The following PCDH11X variants were observed in gnomAD, a reference collection of about 807,000 sequenced individuals.
PCDH11X encodes the protein protocadherin-11 X-linked.
Under a neutral mutation model 53.3 loss-of-function variants are expected in PCDH11X, and 18 were observed. The observed-to-expected ratio is 0.34, with a 90% CI of 0.23 to 0.50. The LOEUF (loss-of-function observed/expected upper bound fraction) is 0.50, where lower values mean the gene tolerates loss of function less well. PCDH11X is among the 20% of genes least tolerant of loss of function. The probability of loss-of-function intolerance (pLI) is 0.98; values close to 1 mark genes in which losing one functional copy is unlikely to be tolerated. For missense variants in PCDH11X, 570 were observed against 1,032.4 expected (o/e 0.55, Z 6.14); for synonymous variants, 279 against 393.3 (o/e 0.71, Z 3.44).
intron 6 of PCDH11X, among the ~76,000 whole-genome samples, chrX:91,913,108 G>A (rs953289499): frequency 9.0e-6 from 1 of 111,349 alleles, no homozygotes; most frequent in Non-Finnish European, 1.9e-5. Flanking sequence ...GGGCCCTCAG[G>A]AAAGGTGGCC....
chrX:92,312,814 C>CT (rs774266804), intron 8 of PCDH11X, among the ~76,000 whole-genome samples: 112 of 111,209 alleles, frequency 1.0e-3, no homozygotes, highest in African/African-American at 3.6e-3. Flanking sequence ...AGCACGAGTT[C>CT]TTTTTTTAAA....
intron 6 of PCDH11X, among the ~76,000 whole-genome samples, chrX:92,050,395 C>T (rs6615311): frequency 0.17 from 17,904 of 107,028 alleles, 1,375 homozygotes; most frequent in East Asian, 0.41. Context: ...TCATGAAATT[C>T]ATAATTTACT....
intron 10 of PCDH11X, among the ~76,000 whole-genome samples, chrX:92,568,185 G>A (rs1046137919): frequency 9.1e-6 from 1 of 109,957 alleles, no homozygotes; most frequent in African/African-American, 3.3e-5. Flanking sequence ...ACTTTGGGAG[G>A]CCAAGGCGGG....
At chrX:92,005,590 T>G (rs2062585659) in intron 6 of PCDH11X, among the ~76,000 whole-genome samples, 4 of 112,320 alleles carry the variant, frequency 3.6e-5, no homozygotes, top group African/African-American at 1.3e-4. Flanking sequence ...TTATTATTTT[T>G]GATGGGTTCA....
At chrX:91,924,499 A>G (rs1272572732) in intron 6 of PCDH11X, among the ~76,000 whole-genome samples, 1 of 112,003 alleles carries the variant, frequency 8.9e-6, no homozygotes, top group African/African-American at 3.2e-5. Flanking sequence ...ACTAGTTTGT[A>G]GTAATTTGTC....
intron 7 of PCDH11X, among the ~76,000 whole-genome samples, chrX:92,221,325 A>G (rs1343657172): frequency 1.9e-5 from 2 of 104,765 alleles, no homozygotes; most frequent in Non-Finnish European, 3.9e-5. Flanking sequence ...ACACACACAC[A>G]CATATATACG....
At chrX:92,267,633 G>A (rs1199146679) in intron 8 of PCDH11X, among the ~76,000 whole-genome samples, 1 of 112,336 alleles carries the variant, frequency 8.9e-6, no homozygotes, top group Non-Finnish European at 1.9e-5. Flanking sequence ...GACGTGTTTG[G>A]AGGTTCCTGC....
chrX:92,570,341 T>G (rs1922055336), intron 10 of PCDH11X, among the ~76,000 whole-genome samples: 1 of 112,121 alleles, frequency 8.9e-6, no homozygotes, highest in African/African-American at 3.2e-5. Flanking sequence ...TTTTATGAAA[T>G]ACTATTATAG....
chrX:92,281,533 C>T (rs1230418616), intron 8 of PCDH11X, among the ~76,000 whole-genome samples: 1 of 112,036 alleles, frequency 8.9e-6, no homozygotes, highest in Admixed American at 9.5e-5. Context: ...CAGTATGAAA[C>T]AAGAACAGAT....
chrX:92,217,951 C>T (rs986295113), intron 7 of PCDH11X, among the ~76,000 whole-genome samples: 1 of 108,596 alleles, frequency 9.2e-6, no homozygotes, highest in Non-Finnish European at 1.9e-5. Context: ...TCCTGAATGA[C>T]TACTGGGTAC....
chrX:92,071,444 C>T (rs1602821922), intron 6 of PCDH11X, among the ~76,000 whole-genome samples: 1 of 111,707 alleles, frequency 9.0e-6, no homozygotes, highest in Non-Finnish European at 1.9e-5. Context: ...CTCTCTTTCT[C>T]CAGGATTGGT....
At chrX:92,273,358 TGGGGTA>T (rs781073131) in intron 8 of PCDH11X, among the ~76,000 whole-genome samples, 2 of 110,512 alleles carry the variant, frequency 1.8e-5, no homozygotes, top group Non-Finnish European at 3.8e-5. Context: ...TCAGTTAAGG[TGGGGTA>T]GGAACAAATC....
intron 8 of PCDH11X, among the ~76,000 whole-genome samples, chrX:92,323,771 T>C (rs1603272040): frequency 1.8e-5 from 2 of 110,666 alleles, no homozygotes; most frequent in South Asian, 7.6e-4. Flanking sequence ...ACATTTGCAA[T>C]CATCAGACTC....
At chrX:92,095,456 A>C (rs917134147) in intron 6 of PCDH11X, among the ~76,000 whole-genome samples, 7 of 111,365 alleles carry the variant, frequency 6.3e-5, no homozygotes, top group African/African-American at 2.3e-4. Flanking sequence ...ATAATATTTC[A>C]TTCTGGGGCT....
intron 10 of PCDH11X, among the ~76,000 whole-genome samples, chrX:92,518,106 A>C (rs1325888182): frequency 9.2e-6 from 1 of 108,882 alleles, no homozygotes; most frequent in South Asian, 4.0e-4. Flanking sequence ...TGTAAAAACT[A>C]TCACATAATT....
At chrX:92,472,178 G>A (rs181561134) in intron 10 of PCDH11X, among the ~76,000 whole-genome samples, 321 of 109,628 alleles carry the variant, frequency 2.9e-3, no homozygotes, top group African/African-American at 9.8e-3. Context: ...ACTTTTGCCA[G>A]CGCCTGTATC....
intron 6 of PCDH11X, among the ~76,000 whole-genome samples, chrX:92,197,904 A>T (rs2148317459): frequency 8.9e-6 from 1 of 112,232 alleles, no homozygotes; most frequent in South Asian, 3.7e-4. Context: ...CATTTGAGAA[A>T]GAAATATAAT....
At chrX:92,445,164 T>A (rs2072609240) in intron 9 of PCDH11X, among the ~76,000 whole-genome samples, 1 of 103,950 alleles carries the variant, frequency 9.6e-6, no homozygotes, top group Non-Finnish European at 2.0e-5. Context: ...TCTGGTAGAA[T>A]TGAACTGTGA....
intron 4 of PCDH11X, among the ~76,000 whole-genome samples, chrX:91,821,470 T>C (rs1037724537): frequency 9.0e-6 from 1 of 111,379 alleles, no homozygotes; most frequent in Non-Finnish European, 1.9e-5. Flanking sequence ...TTTGGCTCTC[T>C]ATTTGTCTGT....
Sources: gnomAD v4.1 joint callset for allele counts (sites outside exome capture counted in the v4.1 genomes callset) on GRCh38, gnomAD v4.1.1 for gene constraint, MANE v1.5 for transcripts, NCBI Gene and HGNC (gene_info 2026-07-23, HGNC 2026-07-21) for gene names.